The following SPOCK1 variants were observed in gnomAD, a reference collection of about 807,000 sequenced individuals.
The protein encoded by SPOCK1 is SPARC (osteonectin), cwcv and kazal like domains proteoglycan 1.
In SPOCK1, 23 loss-of-function variants were observed where a neutral mutation model predicts 55.3. That is an observed-to-expected ratio of 0.42 (90% CI 0.30 to 0.59). The LOEUF is 0.59. Among genes scored for constraint, SPOCK1 ranks in the 20% least tolerant of loss-of-function variants. The pLI is 0.22. For synonymous variants in SPOCK1, 226 were observed against 221.0 expected (o/e 1.02, Z -0.20); for missense variants, 499 against 552.5 (o/e 0.90, Z 0.97).
At position 137,112,499 on chromosome 5, in the gene SPOCK1, T is replaced by C. The variant is rs760237145; in HGVS notation, c.410A>G (p.Lys137Arg). The C allele has an allele frequency of 3.7e-6, 6 of 1,613,896 alleles. No homozygotes were observed. In the Admixed American group the frequency reaches 8.3e-5, roughly 22 times the overall value. ...GGCTGACTGTGCCACGGGACAGGGC[T>C]TGCACTTGACCAAATTCGAAGGTCC... ...WVGPSNLVKC[K>R]PCPVAQSAMV... The change falls in exon 5 of 11, where the codon AAG becomes AGG. Residue 137 changes from lysine to arginine, a missense_variant. Lys to Arg is a conservative substitution (Grantham distance 26). Around this residue, in one of 3 missense-constraint regions of SPOCK1, gnomAD observed 386 missense variants for 400.6 expected, o/e 0.96. Transcript: ENST00000394945.
intron 2 of SPOCK1, among the ~76,000 whole-genome samples, chr5:137,491,769 G>A (rs1444626358): frequency 1.3e-5 from 2 of 152,182 alleles, no homozygotes; most frequent in Admixed American, 6.5e-5. Context: ...TTGCTCAGGA[G>A]GCAATTCAAG....
At chr5:137,209,566 G>T (rs1755573755) in intron 3 of SPOCK1, among the ~76,000 whole-genome samples, 1 of 152,196 alleles carries the variant, frequency 6.6e-6, no homozygotes, top group South Asian at 2.1e-4. Flanking sequence ...TTCTGTGACA[G>T]ATGAGAAGTC....
At chr5:137,212,353 G>A (rs1273711789) in intron 3 of SPOCK1, among the ~76,000 whole-genome samples, 1 of 152,078 alleles carries the variant, frequency 6.6e-6, no homozygotes, top group Non-Finnish European at 1.5e-5. Context: ...CTAAAAATCA[G>A]GGACAATCAA....
intron 2 of SPOCK1, among the ~76,000 whole-genome samples, chr5:137,401,867 CCTT>C (rs1030010719): frequency 2.0e-5 from 3 of 152,146 alleles, no homozygotes; most frequent in South Asian, 2.1e-4. Flanking sequence ...ACTCCCCACA[CCTT>C]CTCTCTCACC....
intron 2 of SPOCK1, among the ~76,000 whole-genome samples, chr5:137,477,989 C>T (rs1360281727): frequency 6.6e-6 from 1 of 152,152 alleles, no homozygotes; most frequent in Non-Finnish European, 1.5e-5. Context: ...TGGGGTCAAA[C>T]CCAGATTTGA....
chr5:137,020,362 A>C (rs2126979678), intron 6 of SPOCK1, among the ~76,000 whole-genome samples: 1 of 152,074 alleles, frequency 6.6e-6, no homozygotes, highest in East Asian at 1.9e-4. Context: ...TAATTATCAA[A>C]ATTCAAAAAA....
In SPOCK1 at chr5:137,161,013, T is replaced by G. The variant is rs1043790660; in HGVS notation, c.233-20319A>C. 5.6e-4 allele frequency among the ~76,000 whole-genome samples: 32 copies of G among 57,496 alleles called. 1 individual carries two copies. The Middle Eastern group carries it at 0.06, about 107-fold the overall frequency. The allele number at this position is 57,496 out of a possible 152,430, so 37.7% of individuals were successfully genotyped here. ...ATGAATGAAGAAACTGTGAGATATA[T>G]ATATATATATATATATTACATATAT... On this transcript the variant is annotated intron_variant, in intron 3 of 10. Coordinates refer to ENST00000394945, the MANE Select transcript of SPOCK1 (RefSeq NM_004598.4).
chr5:136,982,751 A>ATTGCATCTGAATAGTTC, intron 9 of SPOCK1, among the ~76,000 whole-genome samples: 1 of 152,034 alleles, frequency 6.6e-6, no homozygotes, highest in East Asian at 1.9e-4. Context: ...CTTTTTCATT[A>ATTGCATCTGAATAGTTC]TTGCATCTGA....
chr5:137,459,912 A>C (rs1184455287), intron 2 of SPOCK1, among the ~76,000 whole-genome samples: 1 of 152,112 alleles, frequency 6.6e-6, no homozygotes, highest in African/African-American at 2.4e-5. Context: ...GTGCTAGGAT[A>C]ATGGAAAAGG....
intron 2 of SPOCK1, among the ~76,000 whole-genome samples, chr5:137,485,085 A>T (rs1006741480): frequency 6.6e-6 from 1 of 152,222 alleles, no homozygotes; most frequent in African/African-American, 2.4e-5. Context: ...TTTGGAGGGA[A>T]TAATTTATTT....
At chr5:137,218,566 A>G (rs1331617553) in intron 3 of SPOCK1, among the ~76,000 whole-genome samples, 5 of 152,244 alleles carry the variant, frequency 3.3e-5, no homozygotes, top group Admixed American at 3.3e-4. Flanking sequence ...TAAGCAAAAG[A>G]ACAACAATGC....
chr5:137,450,559 A>G lies in SPOCK1; in HGVS notation c.186+47814T>C, dbSNP rs376317929. ...CATAGGGCCCATGCTTAGAAGGGCC[A>G]TGCTCTGCTATTGCCATCTTGAAAT... On this transcript the variant is annotated intron_variant, in intron 2 of 10. Coordinates refer to ENST00000394945, the MANE Select transcript of SPOCK1 (RefSeq NM_004598.4). Among the ~76,000 whole-genome samples, 16 of 152,284 alleles carry G rather than the reference A, an allele frequency of 1.1e-4. No individual in the cohort carries two copies. In the East Asian group the frequency reaches 1.5e-3, roughly 15 times the overall value.
chr5:137,416,470 C>T (rs1260113789), intron 2 of SPOCK1, among the ~76,000 whole-genome samples: 1 of 152,064 alleles, frequency 6.6e-6, no homozygotes, highest in Non-Finnish European at 1.5e-5. Context: ...ATATACCTAT[C>T]GCATTCTTTG....
chr5:137,214,268 T>C (rs562222527), intron 3 of SPOCK1, among the ~76,000 whole-genome samples: 1 of 152,190 alleles, frequency 6.6e-6, no homozygotes, highest in African/African-American at 2.4e-5. Context: ...GAGATATATG[T>C]TGGCCAAAGT....
At chr5:137,189,847 G>A (rs1004169480) in intron 3 of SPOCK1, among the ~76,000 whole-genome samples, 3 of 151,904 alleles carry the variant, frequency 2.0e-5, no homozygotes, top group African/African-American at 4.8e-5. Context: ...AGTGATTTAC[G>A]GGAGGAAGTA....
chr5:137,022,087 A>G (rs1371532562), intron 6 of SPOCK1, among the ~76,000 whole-genome samples: 5 of 152,096 alleles, frequency 3.3e-5, no homozygotes, highest in Middle Eastern at 3.2e-3. Context: ...ACCGACCTAC[A>G]GAGTATGGAA....
chr5:137,299,732 G>T (rs973541565), intron 2 of SPOCK1, among the ~76,000 whole-genome samples: 3 of 151,802 alleles, frequency 2.0e-5, no homozygotes, highest in African/African-American at 7.3e-5. Flanking sequence ...TTGTTATCTG[G>T]TCTCCATTAT....
intron 2 of SPOCK1, among the ~76,000 whole-genome samples, chr5:137,477,835 T>G (rs1199521683): frequency 6.6e-6 from 1 of 152,226 alleles, no homozygotes; most frequent in South Asian, 2.1e-4. Context: ...CAGCATACCC[T>G]GCTGACTCTG....
At chr5:137,445,740 G>T (rs932301456) in intron 2 of SPOCK1, among the ~76,000 whole-genome samples, 1 of 152,172 alleles carries the variant, frequency 6.6e-6, no homozygotes, top group Admixed American at 6.5e-5. Flanking sequence ...CTTATCTGGG[G>T]TAAAGAGAAG....
Sources: allele counts gnomAD v4.1 joint callset (sites outside exome capture counted in the v4.1 genomes callset), GRCh38; gene constraint gnomAD v4.1.1; regional missense constraint gnomAD v4.1.1; transcripts MANE v1.5; gene names NCBI Gene and HGNC (gene_info 2026-07-23, HGNC 2026-07-21).